The following KIRREL3 variants were observed in gnomAD, a reference collection of about 807,000 sequenced individuals.
The protein encoded by KIRREL3 is kin of IRRE-like protein 3.
KIRREL3 carries 36 observed loss-of-function variants against 89.7 expected under a neutral mutation model. The ratio of observed to expected loss-of-function variants is 0.40; its 90% CI spans 0.31 to 0.53. The LOEUF is 0.53. KIRREL3 is among the 20% of genes least tolerant of loss of function. The pLI is 0.49. For synonymous variants in KIRREL3, 445 were observed against 441.4 expected (o/e 1.01, Z -0.10); for missense variants, 864 against 1,056.6 (o/e 0.82, Z 2.53).
At chr11:126,820,249 C>T (rs939025068) in intron 1 of KIRREL3, among the ~76,000 whole-genome samples, 2 of 151,992 alleles carry the variant, frequency 1.3e-5, no homozygotes, top group African/African-American at 2.4e-5. Context: ...AGGGTTAACC[C>T]GGAGTTGCAG....
In KIRREL3 at chr11:126,536,465, G is replaced by A. The variant is rs138519910; in HGVS notation, c.134-9778C>T. On this transcript the variant is annotated intron_variant, in intron 2 of 16. Coordinates refer to ENST00000525144, the MANE Select transcript of KIRREL3 (RefSeq NM_032531.4). ...CCCCATAGGCACATGTCTCTGCACTGTGGTTCCACAGTGGTGGTGAGAGGC... is the reference window on the plus strand; with the variant it reads ...CCCCATAGGCACATGTCTCTGCACTATGGTTCCACAGTGGTGGTGAGAGGC... Among the ~76,000 whole-genome samples the A allele has an allele frequency of 2.8e-3, 428 of 152,214 alleles. 1 individual carries two copies. The highest frequency in any genetic ancestry group is 0.01 in the Middle Eastern group (3 of 294).
intron 1 of KIRREL3, among the ~76,000 whole-genome samples, chr11:126,911,505 G>A (rs558724464): frequency 2.6e-5 from 4 of 152,204 alleles, no homozygotes; most frequent in Non-Finnish European, 4.4e-5. Flanking sequence ...CACTGGCCAC[G>A]GACCAACAGG....
chr11:126,803,315 G>A (rs1250856555), intron 1 of KIRREL3, among the ~76,000 whole-genome samples: 1 of 152,156 alleles, frequency 6.6e-6, no homozygotes, highest in Non-Finnish European at 1.5e-5. Flanking sequence ...ACCAGGCACA[G>A]AATTGGAGAA....
intron 1 of KIRREL3, among the ~76,000 whole-genome samples, chr11:126,799,162 A>ATG (rs1329764111): frequency 2.0e-5 from 1 of 50,956 alleles, no homozygotes; most frequent in South Asian, 7.6e-4. Flanking sequence ...GCGTATCTGT[A>ATG]TGTGTGTGTA....
chr11:126,508,074 T>C lies in KIRREL3; in HGVS notation c.433+13241A>G, dbSNP rs1958085318. ...GGGGGTGGCTGTGTGGCCATCAGCC[T>C]TCTCCTCCCTTTCTTGCCTGCACCA... is the stretch of plus-strand genomic sequence containing the variant. On this transcript the variant is annotated intron_variant, in intron 4 of 16. Coordinates refer to ENST00000525144, the MANE Select transcript of KIRREL3 (RefSeq NM_032531.4). The surrounding 1 kb of genome is among the most constrained non-coding windows in gnomAD (Gnocchi z 4.9). 6.6e-6 allele frequency among the ~76,000 whole-genome samples: 1 copy of C among 152,212 alleles called. No homozygotes were observed. The highest frequency in any genetic ancestry group is 1.5e-5 in the Non-Finnish European group (1 of 68,036).
At chr11:126,585,493 CAA>C (rs369634611) in intron 1 of KIRREL3, among the ~76,000 whole-genome samples, 5 of 152,218 alleles carry the variant, frequency 3.3e-5, no homozygotes, top group African/African-American at 1.2e-4. Context: ...CTCAGCCTCC[CAA>C]AGTGTTGGAA....
intron 1 of KIRREL3, among the ~76,000 whole-genome samples, chr11:126,847,425 G>A (rs1944185658): frequency 1.3e-5 from 2 of 152,036 alleles, no homozygotes; most frequent in East Asian, 1.9e-4. Flanking sequence ...GACAATTGTT[G>A]TCTTGTTTTA....
rs1956306513 is a variant in KIRREL3 at position 126,455,521 on chromosome 11, G to A, written c.848+828C>T. 6.6e-6 allele frequency among the ~76,000 whole-genome samples: 1 copy of A among 152,168 alleles called. No homozygotes were observed. Among genetic ancestry groups the A allele is most frequent in the African/African-American group, 2.4e-5 (1 of 41,440 alleles). On this transcript the variant is annotated intron_variant, in intron 7 of 16. Coordinates refer to ENST00000525144, the MANE Select transcript of KIRREL3 (RefSeq NM_032531.4). The surrounding 1 kb of genome is among the most constrained non-coding windows in gnomAD (Gnocchi z 6.4). ...AGTGATGCTTTGGCCGGGTGCGGTG[G>A]CTCATGCCTGTAATCCCAGCACTTT...
At chr11:126,679,057 T>C (rs1372959162) in intron 1 of KIRREL3, among the ~76,000 whole-genome samples, 2 of 152,206 alleles carry the variant, frequency 1.3e-5, no homozygotes, top group Non-Finnish European at 2.9e-5. Context: ...CTTTGCTTTT[T>C]GACAAAATGG....
chr11:126,746,676 G>A (rs895379296), intron 1 of KIRREL3, among the ~76,000 whole-genome samples: 1 of 152,092 alleles, frequency 6.6e-6, no homozygotes, highest in Non-Finnish European at 1.5e-5. Context: ...TCTATGATCA[G>A]GTGTATCTCT....
intron 1 of KIRREL3, among the ~76,000 whole-genome samples, chr11:126,966,825 A>G (rs1354535409): frequency 6.6e-6 from 1 of 152,216 alleles, no homozygotes; most frequent in African/African-American, 2.4e-5. Flanking sequence ...CAGGAAGATA[A>G]TAAACCTAAA....
rs527710595 is a variant in KIRREL3 at position 126,697,407 on chromosome 11, G to T, written c.56-134495C>A. ...CTGTTTTCTTATCTAGAACATGAGG[G>T]TAATAGTTCCCAGTTGCCAAAGCTT... On this transcript the variant is annotated intron_variant, in intron 1 of 16. Coordinates refer to ENST00000525144, the MANE Select transcript of KIRREL3 (RefSeq NM_032531.4). The surrounding 1 kb of genome is among the most constrained non-coding windows in gnomAD (Gnocchi z 4.2). 2.2e-4 allele frequency among the ~76,000 whole-genome samples: 33 copies of T among 152,246 alleles called. 1 individual carries two copies. In the South Asian group the frequency reaches 6.6e-3, roughly 31 times the overall value.
chr11:126,811,718 C>A lies in KIRREL3; in HGVS notation c.55+188737G>T, dbSNP rs778888147. 1.3e-5 allele frequency among the ~76,000 whole-genome samples: 2 copies of A among 152,136 alleles called. No homozygotes were observed. The highest frequency in any genetic ancestry group is 2.4e-5 in the African/African-American group (1 of 41,402). On this transcript the variant is annotated intron_variant, in intron 1 of 16. Transcript: ENST00000525144. This position sits in a 1 kb window ranked among gnomAD's most constrained non-coding sequence, Gnocchi z 4.3. ...TACTCTGCTTCAGCCTCCCAAGTAG[C>A]GGGGATTACCGGCGCCTGCTACCAT...
chr11:126,863,077 A>C (rs564660285), intron 1 of KIRREL3, among the ~76,000 whole-genome samples: 1 of 152,324 alleles, frequency 6.6e-6, no homozygotes, highest in East Asian at 1.9e-4. Flanking sequence ...CTGCTGTCTG[A>C]AAGGCTGTCA....
chr11:126,956,133 C>T (rs1463700701), intron 1 of KIRREL3, among the ~76,000 whole-genome samples: 1 of 152,144 alleles, frequency 6.6e-6, no homozygotes, highest in Non-Finnish European at 1.5e-5. Flanking sequence ...CTACTTCAGT[C>T]ACTCATCTCT....
intron 1 of KIRREL3, among the ~76,000 whole-genome samples, chr11:126,822,535 A>G (rs1024349600): frequency 1.3e-5 from 2 of 152,120 alleles, no homozygotes; most frequent in Non-Finnish European, 1.5e-5. Context: ...ACTTTTTGCA[A>G]CTCATATAGT....
At position 126,802,826 on chromosome 11, in the gene KIRREL3, C is replaced by A. The variant is rs757624306; in HGVS notation, c.55+197629G>T. ...TTTAGTTCAGTGATATTTCTGTGAC[C>A]AGAAATATGCCATAGGAACTTAACT... On this transcript the variant is annotated intron_variant, in intron 1 of 16. Coordinates refer to ENST00000525144, the MANE Select transcript of KIRREL3 (RefSeq NM_032531.4). The surrounding 1 kb of genome is among the most constrained non-coding windows in gnomAD (Gnocchi z 5.2). Among the ~76,000 whole-genome samples the A allele has an allele frequency of 6.6e-6, 1 of 152,056 alleles. No individual in the cohort carries two copies. The highest frequency in any genetic ancestry group is 2.4e-5 in the African/African-American group (1 of 41,384).
chr11:126,773,359 G>A lies in KIRREL3; in HGVS notation c.56-210447C>T, dbSNP rs958476278. On this transcript the variant is annotated intron_variant, in intron 1 of 16. Coordinates refer to ENST00000525144, the MANE Select transcript of KIRREL3 (RefSeq NM_032531.4). The surrounding 1 kb of genome is among the most constrained non-coding windows in gnomAD (Gnocchi z 4.2). ...AAGGCTGGCCTCACCCGAGCAAGAA[G>A]GAACTCTCCAGCAGACGACCTCTTG... 4.6e-5 allele frequency among the ~76,000 whole-genome samples: 7 copies of A among 152,168 alleles called. No homozygotes were observed. Among genetic ancestry groups the A allele is most frequent in the Non-Finnish European group, 1.0e-4 (7 of 68,036 alleles).
In KIRREL3 at chr11:126,705,545, C is replaced by T. The variant is rs775411992; in HGVS notation, c.56-142633G>A. On this transcript the variant is annotated intron_variant, in intron 1 of 16. Transcript: ENST00000525144. The surrounding 1 kb of genome is among the most constrained non-coding windows in gnomAD (Gnocchi z 4.3). ...CCAGAAGCTGAGAAGATACTGGAAC[C>T]GTGCTTCCTGTACAGCCTGCAGAAC... Among the ~76,000 whole-genome samples, 25 of 152,166 alleles carry T rather than the reference C, an allele frequency of 1.6e-4. No individual in the cohort carries two copies. Among genetic ancestry groups the T allele is most frequent in the South Asian group, 6.2e-4 (3 of 4,820 alleles).
Sources: allele counts gnomAD v4.1 joint callset (sites outside exome capture counted in the v4.1 genomes callset), GRCh38; gene constraint gnomAD v4.1.1; non-coding constraint Gnocchi (gnomAD v3.1); transcripts MANE v1.5; gene names NCBI Gene and HGNC (gene_info 2026-07-23, HGNC 2026-07-21).